DGKB: variants seen among roughly 807,000 people sequenced by gnomAD.
The protein encoded by DGKB is diacylglycerol kinase beta, also known as 90 kDa diacylglycerol kinase.
DGKB carries 67 observed loss-of-function variants against 114.3 expected under a neutral mutation model. The ratio of observed to expected loss-of-function variants is 0.59; its 90% CI spans 0.48 to 0.72. DGKB has a LOEUF of 0.72. DGKB is among the 30% of genes least tolerant of loss of function. The pLI is 0.00. For synonymous variants in DGKB, 398 were observed against 323.1 expected, an observed-to-expected ratio of 1.23 and a Z score of -2.49; for missense variants, 907 against 975.2, an observed-to-expected ratio of 0.93 and a Z score of 0.93.
chr7:14,572,470 A>G (rs59012467), intron 20 of DGKB, among the ~76,000 whole-genome samples: 6,424 of 151,910 alleles, frequency 0.042, 393 homozygotes, highest in East Asian at 0.32. Context: ...AGAAAAAAAA[A>G]AGAATAAAGT....
chr7:14,618,240 G>A (rs947310622), intron 15 of DGKB, among the ~76,000 whole-genome samples: 1 of 151,320 alleles, frequency 6.6e-6, no homozygotes, highest in Non-Finnish European at 1.5e-5. Context: ...TGGGTGCATG[G>A]TTTACAGTCT....
intron 2 of DGKB, among the ~76,000 whole-genome samples, chr7:14,785,582 T>C (rs182536868): frequency 2.3e-4 from 35 of 152,274 alleles, no homozygotes; most frequent in Admixed American, 2.0e-3. Context: ...GAGGATTCCT[T>C]AGAACCGAAT....
intron 20 of DGKB, among the ~76,000 whole-genome samples, chr7:14,536,443 A>G (rs1792512256): frequency 6.6e-6 from 1 of 152,190 alleles, no homozygotes; most frequent in Admixed American, 6.5e-5. Context: ...GTTCAACAGC[A>G]TATTAAAACA....
intron 17 of DGKB, among the ~76,000 whole-genome samples, chr7:14,595,556 G>T (rs1802437547): frequency 6.6e-6 from 1 of 150,780 alleles, no homozygotes; most frequent in Non-Finnish European, 1.5e-5. Flanking sequence ...GAAAAAATAT[G>T]CAAAATAAAT....
At chr7:14,512,759 C>T (rs541278255) in intron 20 of DGKB, among the ~76,000 whole-genome samples, 7 of 152,066 alleles carry the variant, frequency 4.6e-5, no homozygotes, top group African/African-American at 1.4e-4. Context: ...TTATAGAACT[C>T]AATTATAACA....
chr7:14,926,170 T>A (rs913143255), intron 1 of DGKB, among the ~76,000 whole-genome samples: 10 of 152,132 alleles, frequency 6.6e-5, no homozygotes, highest in African/African-American at 2.4e-4. Flanking sequence ...AAACTGTTTC[T>A]GTGATGGATT....
intron 20 of DGKB, among the ~76,000 whole-genome samples, chr7:14,534,901 A>G (rs563093213): frequency 6.6e-6 from 1 of 152,272 alleles, no homozygotes; most frequent in South Asian, 2.1e-4. Context: ...AAACTGAACA[A>G]TCACAAATGC....
At chr7:14,468,275 G>A (rs1431526) in intron 21 of DGKB, among the ~76,000 whole-genome samples, 53,235 of 151,768 alleles carry the variant, frequency 0.35, 9,647 homozygotes, top group South Asian at 0.42. Flanking sequence ...ATTTCCAAAA[G>A]TAGACTGTCC....
chr7:14,582,596 T>G (rs1375851951), intron 18 of DGKB, among the ~76,000 whole-genome samples: 2 of 152,112 alleles, frequency 1.3e-5, no homozygotes, highest in African/African-American at 4.8e-5. Flanking sequence ...CAAGATAACA[T>G]GATGAATAAA....
intron 21 of DGKB, among the ~76,000 whole-genome samples, chr7:14,380,499 T>C (rs1819262248): frequency 6.6e-6 from 1 of 152,106 alleles, no homozygotes. Context: ...AGAAAATAAA[T>C]ATCACTCATA....
At chr7:14,786,203 C>T (rs1232085233) in intron 2 of DGKB, among the ~76,000 whole-genome samples, 1 of 151,926 alleles carries the variant, frequency 6.6e-6, no homozygotes, top group Non-Finnish European at 1.5e-5. Context: ...TATGTAGTGG[C>T]TAGTTTCCTA....
chr7:14,274,942 AGTGTGTGTGTGTGT>A (rs10538591), intron 23 of DGKB, among the ~76,000 whole-genome samples: 4 of 146,296 alleles, frequency 2.7e-5, no homozygotes, highest in African/African-American at 7.5e-5. Context: ...AGTCCATAGC[AGTGTGTGTGTGTGT>A]GTGTGTGTGT....
chr7:14,818,205 A>C (rs897377729), intron 2 of DGKB, among the ~76,000 whole-genome samples: 4 of 152,328 alleles, frequency 2.6e-5, no homozygotes, highest in Admixed American at 2.6e-4. Context: ...TTTCAAAAAC[A>C]TCAAGGGCCA....
intron 23 of DGKB, among the ~76,000 whole-genome samples, chr7:14,265,742 C>T (rs1328229939): frequency 6.6e-6 from 1 of 152,120 alleles, no homozygotes; most frequent in Non-Finnish European, 1.5e-5. Context: ...TGGTTGACAA[C>T]AGTATCTGGC....
chr7:14,938,947 G>A (rs751918011), intron 1 of DGKB, among the ~76,000 whole-genome samples: 15 of 152,120 alleles, frequency 9.9e-5, no homozygotes, highest in Non-Finnish European at 1.9e-4. Context: ...TATGAAATGA[G>A]GTTAATCACA....
intron 21 of DGKB, among the ~76,000 whole-genome samples, chr7:14,347,287 A>G: frequency 6.6e-6 from 1 of 152,022 alleles, no homozygotes; most frequent in East Asian, 1.9e-4. Flanking sequence ...AATACCTCAG[A>G]TAACAAGCAC....
intron 21 of DGKB, among the ~76,000 whole-genome samples, chr7:14,402,606 C>T (rs1485671718): frequency 6.6e-6 from 1 of 151,732 alleles, no homozygotes; most frequent in Non-Finnish European, 1.5e-5. Flanking sequence ...AAATAGCTAT[C>T]AAAATGTGAA....
At chr7:14,157,103 C>T (rs1783133852) in intron 25 of DGKB, among the ~76,000 whole-genome samples, 1 of 152,068 alleles carries the variant, frequency 6.6e-6, no homozygotes. Flanking sequence ...ATTCAGCTAC[C>T]TTAAAAATGA....
intron 1 of DGKB, among the ~76,000 whole-genome samples, chr7:14,953,979 A>G (rs1184362709): frequency 6.6e-6 from 1 of 152,078 alleles, no homozygotes; most frequent in Non-Finnish European, 1.5e-5. Flanking sequence ...CAACTGAAGA[A>G]GAAATTCTGG....
Sources: gnomAD v4.1 joint callset for allele counts (sites outside exome capture counted in the v4.1 genomes callset) on GRCh38, gnomAD v4.1.1 for gene constraint, MANE v1.5 for transcripts, NCBI Gene and HGNC (gene_info 2026-07-23, HGNC 2026-07-21) for gene names.